The following SUPT3H variants were observed in gnomAD, a reference collection of about 807,000 sequenced individuals.
The protein encoded by SUPT3H is transcription initiation protein SPT3 homolog.
A neutral mutation model predicts 44.3 loss-of-function variants in SUPT3H; 44 were observed. The observed-to-expected ratio is 0.99, with a 90% CI of 0.78 to 1.28. SUPT3H has a LOEUF of 1.28. Among genes scored for constraint, SUPT3H ranks in the 50% most tolerant of loss-of-function variants. SUPT3H has a pLI of 0.00. For missense variants in SUPT3H, 380 were observed against 387.1 expected, an observed-to-expected ratio of 0.98 and a Z score of 0.15; for synonymous variants, 124 against 125.6, an observed-to-expected ratio of 0.99 and a Z score of 0.09.
chr6:44,968,350 GA>G (rs1237190746), intron 6 of SUPT3H, among the ~76,000 whole-genome samples: 1 of 152,142 alleles, frequency 6.6e-6, no homozygotes, highest in East Asian at 1.9e-4. Flanking sequence ...TCCACTTGCA[GA>G]AGGATAATAT....
chr6:45,019,187 G>C (rs1303862018), intron 4 of SUPT3H, among the ~76,000 whole-genome samples: 1 of 152,004 alleles, frequency 6.6e-6, no homozygotes, highest in Non-Finnish European at 1.5e-5. Context: ...TGGGATTGGT[G>C]GTGATATCCC....
chr6:44,857,510 G>A lies in SUPT3H; in HGVS notation c.913-27653C>T, dbSNP rs919512100. 1.6e-4 allele frequency among the ~76,000 whole-genome samples: 25 copies of A among 152,254 alleles called. No individual in the cohort carries two copies. In the East Asian group the frequency reaches 4.8e-3, roughly 29 times the overall value. ...GTTTAGCTCAATGTTAACTGGCTTT[G>A]TTTTTGAAAAATGCACTCTTTGGTT... On this transcript the variant is annotated intron_variant, in intron 10 of 10. Transcript: ENST00000371459.
intron 11 of SUPT3H, among the ~76,000 whole-genome samples, chr6:44,820,897 T>A (rs775937597): frequency 3.3e-5 from 5 of 152,138 alleles, no homozygotes; most frequent in Non-Finnish European, 7.4e-5. Flanking sequence ...GTTGCCCAGG[T>A]TGGAGTGCAA....
chr6:45,023,962 A>C (rs771031056), intron 3 of SUPT3H, among the ~76,000 whole-genome samples: 3 of 152,186 alleles, frequency 2.0e-5, no homozygotes, highest in Non-Finnish European at 4.4e-5. Flanking sequence ...TGGGCAGTCC[A>C]ATTCCACAGG....
At chr6:44,967,572 G>A (rs988242683) in intron 6 of SUPT3H, among the ~76,000 whole-genome samples, 19 of 152,180 alleles carry the variant, frequency 1.2e-4, no homozygotes, top group African/African-American at 4.3e-4. Context: ...ATACCACTTT[G>A]AGGTGTAAGG....
intron 9 of SUPT3H, among the ~76,000 whole-genome samples, chr6:44,942,930 T>C (rs1302783834): frequency 1.3e-5 from 2 of 152,126 alleles, no homozygotes; most frequent in Non-Finnish European, 2.9e-5. Flanking sequence ...AAAAACAATA[T>C]ATTCACAGGA....
chr6:44,936,601 G>A (rs1294320595), intron 9 of SUPT3H, among the ~76,000 whole-genome samples: 2 of 151,948 alleles, frequency 1.3e-5, no homozygotes, highest in Non-Finnish European at 2.9e-5. Context: ...TTGACTTTCT[G>A]TTTCTGAGCT....
intron 3 of SUPT3H, among the ~76,000 whole-genome samples, chr6:45,022,401 C>T (rs1416136814): frequency 7.6e-6 from 1 of 131,722 alleles, no homozygotes; most frequent in East Asian, 2.3e-4. Flanking sequence ...AAGAGTTGAA[C>T]ATTTGGAATC....
At chr6:44,887,930 A>C (rs1762590817) in intron 10 of SUPT3H, among the ~76,000 whole-genome samples, 1 of 152,126 alleles carries the variant, frequency 6.6e-6, no homozygotes, top group Non-Finnish European at 1.5e-5. Context: ...AAAATGATAA[A>C]GGGGATATCA....
chr6:45,057,407 C>G (rs1301384447), intron 3 of SUPT3H, among the ~76,000 whole-genome samples: 1 of 151,522 alleles, frequency 6.6e-6, no homozygotes, highest in Non-Finnish European at 1.5e-5. Flanking sequence ...AGATTTTTTT[C>G]TTAAAAAAGA....
chr6:45,233,444 G>A (rs1392352738), intron 2 of SUPT3H, among the ~76,000 whole-genome samples: 1 of 152,220 alleles, frequency 6.6e-6, no homozygotes, highest in African/African-American at 2.4e-5. Flanking sequence ...ATGCCTTGGT[G>A]AGGTCTTTAA....
chr6:45,213,388 A>AAGT (rs1338992469), intron 2 of SUPT3H, among the ~76,000 whole-genome samples: 2 of 152,246 alleles, frequency 1.3e-5, no homozygotes, highest in Non-Finnish European at 2.9e-5. Context: ...CAAAAGAAAA[A>AAGT]TGAACTGTTT....
intron 10 of SUPT3H, among the ~76,000 whole-genome samples, chr6:44,901,004 C>A (rs1166141087): frequency 6.6e-6 from 1 of 152,152 alleles, no homozygotes; most frequent in Non-Finnish European, 1.5e-5. Context: ...GGAACATCCA[C>A]ACCAAAACCC....
intron 2 of SUPT3H, among the ~76,000 whole-genome samples, chr6:45,246,005 G>A (rs1735582310): frequency 6.6e-6 from 1 of 151,948 alleles, no homozygotes; most frequent in Non-Finnish European, 1.5e-5. Context: ...GTTTTGATTT[G>A]CATTTGTCTA....
intron 10 of SUPT3H, among the ~76,000 whole-genome samples, chr6:44,904,055 C>T (rs1417358116): frequency 6.6e-6 from 1 of 152,160 alleles, no homozygotes; most frequent in East Asian, 1.9e-4. Flanking sequence ...CTATCTATGA[C>T]AAACCCATAG....
chr6:45,192,864 A>G (rs1815371832), intron 2 of SUPT3H, among the ~76,000 whole-genome samples: 1 of 152,208 alleles, frequency 6.6e-6, no homozygotes, highest in Non-Finnish European at 1.5e-5. Context: ...ACACAAAAAT[A>G]ATAACTCTGA....
intron 2 of SUPT3H, among the ~76,000 whole-genome samples, chr6:45,303,885 C>G (rs1448251597): frequency 6.6e-6 from 1 of 151,082 alleles, no homozygotes; most frequent in Non-Finnish European, 1.5e-5. Flanking sequence ...CCCAGCTACT[C>G]GGGAAGCTGA....
chr6:45,375,137 G>C (rs1055803784), intron 1 of SUPT3H, among the ~76,000 whole-genome samples: 11 of 152,194 alleles, frequency 7.2e-5, no homozygotes, highest in African/African-American at 2.7e-4. Context: ...AACCCAGGAG[G>C]GGGAGGTTGC....
At chr6:44,979,797 T>C (rs1025367779) in intron 6 of SUPT3H, among the ~76,000 whole-genome samples, 1 of 152,222 alleles carries the variant, frequency 6.6e-6, no homozygotes, top group Non-Finnish European at 1.5e-5. Context: ...AACCTGGATT[T>C]CTTCAAGCAT....
Sources: allele counts gnomAD v4.1 joint callset (sites outside exome capture counted in the v4.1 genomes callset), GRCh38; gene constraint gnomAD v4.1.1; transcripts MANE v1.5; gene names NCBI Gene and HGNC (gene_info 2026-07-23, HGNC 2026-07-21).